Variants in PDE11A observed in about 807,000 individuals in gnomAD.
PDE11A encodes the protein dual 3',5'-cyclic-AMP and -GMP phosphodiesterase 11A.
In PDE11A, 100 loss-of-function variants were observed where a neutral mutation model predicts 100.5. The ratio of observed to expected loss-of-function variants is 1.00; its 90% CI spans 0.85 to 1.18. PDE11A has a LOEUF of 1.18. Ranked by LOEUF, PDE11A falls within the 50% of genes most tolerant of loss-of-function variation. PDE11A has a pLI of 0.00. For missense variants in PDE11A, 1,141 were observed against 1,152.6 expected (o/e 0.99, Z 0.15); for synonymous variants, 381 against 420.8 (o/e 0.91, Z 1.16).
At chr2:177,756,255 TCA>T (rs1352940064) in intron 10 of PDE11A, among the ~76,000 whole-genome samples, 2 of 152,138 alleles carry the variant, frequency 1.3e-5, no homozygotes, top group Non-Finnish European at 2.9e-5. Context: ...GCTTTTGCCC[TCA>T]CACACAACTC....
At chr2:177,767,302 C>T (rs1001146224) in intron 10 of PDE11A, among the ~76,000 whole-genome samples, 5 of 152,054 alleles carry the variant, frequency 3.3e-5, no homozygotes, top group African/African-American at 7.3e-5. Context: ...TGCATTCCAG[C>T]CTGGGTGACA....
At chr2:177,631,089 T>C (rs2079911124) in intron 19 of PDE11A, among the ~76,000 whole-genome samples, 2 of 151,218 alleles carry the variant, frequency 1.3e-5, no homozygotes, top group South Asian at 2.1e-4. Flanking sequence ...ACTCAAGAGA[T>C]AGACACTACT....
chr2:177,697,457 CA>C (rs2081130304), intron 14 of PDE11A, 25 bp from the exon 15 acceptor site: 1 of 1,079,284 alleles, frequency 9.3e-7, no homozygotes, highest in Non-Finnish European at 1.4e-6. Flanking sequence ...TAAAAAGTCA[CA>C]AAAGACATTA....
intron 2 of PDE11A, among the ~76,000 whole-genome samples, chr2:177,957,762 A>T (rs894804713): frequency 6.6e-6 from 1 of 152,206 alleles, no homozygotes; most frequent in African/African-American, 2.4e-5. Flanking sequence ...AGTAATAAGA[A>T]TAATAAACAA....
chr2:177,646,598 T>A lies in PDE11A; in HGVS notation c.2647-17036A>T, dbSNP rs530761145. ...GGCTGAGTACCAGGCTCATGGTGTC[T>A]TTACATCAGGGGTCTCAACTGGCAC... On this transcript the variant is annotated intron_variant, in intron 19 of 19. Coordinates refer to ENST00000286063, the MANE Select transcript of PDE11A (RefSeq NM_016953.4). Among the ~76,000 whole-genome samples, 6 of 152,308 alleles carry A rather than the reference T, an allele frequency of 3.9e-5. No homozygotes were observed. The East Asian group carries it at 1.2e-3, about 29-fold the overall frequency.
upstream of PDE11A, among the ~76,000 whole-genome samples, chr2:178,076,120 C>G (rs573048024): frequency 2.2e-4 from 34 of 152,170 alleles, no homozygotes; most frequent in African/African-American, 7.7e-4. Context: ...CACTATCACA[C>G]GTGAAAAGGC....
intron 9 of PDE11A, among the ~76,000 whole-genome samples, chr2:177,791,533 A>AG (rs2082632709): frequency 1.3e-5 from 1 of 76,526 alleles, no homozygotes; most frequent in Non-Finnish European, 2.9e-5. Flanking sequence ...AACTTAAAGT[A>AG]TAAAAAAAAA....
chr2:177,996,373 C>T lies in PDE11A; in HGVS notation c.1071+17929G>A, dbSNP rs566765705. Among the ~76,000 whole-genome samples, 5 of 151,806 alleles carry T rather than the reference C, an allele frequency of 3.3e-5. No individual in the cohort carries two copies. In the South Asian group the frequency reaches 1.0e-3, roughly 32 times the overall value. On this transcript the variant is annotated intron_variant, in intron 2 of 19. Coordinates refer to ENST00000286063, the MANE Select transcript of PDE11A (RefSeq NM_016953.4). ...AATAACAAGTTAATAACAGATTCAG[C>T]CCCAAAAGGATAATCACTGTGTCAG...
At chr2:177,980,991 C>T (rs1042485117) in intron 2 of PDE11A, among the ~76,000 whole-genome samples, 1 of 144,342 alleles carries the variant, frequency 6.9e-6, no homozygotes, top group African/African-American at 2.5e-5. Context: ...CACACACACA[C>T]ACACACACAC....
chr2:177,943,853 T>TTTGGGTCTTACAC (rs1463331441), intron 2 of PDE11A, among the ~76,000 whole-genome samples: 10 of 152,152 alleles, frequency 6.6e-5, no homozygotes, highest in Non-Finnish European at 4.4e-5. Context: ...GTTTTATGGT[T>TTTGGGTCTTACAC]TTGGGTCTTA....
chr2:177,624,758 A>C lies in PDE11A; in HGVS notation c.*4649T>G, dbSNP rs2079808790. ...TATGTGTGATATCAGATAATCTAAA[A>C]TTGTTTTTTATGAAATAAAAGGACA... On this transcript the variant is annotated 3_prime_UTR_variant, in exon 20 of 20. Transcript: ENST00000286063. The C allele has an allele frequency of 6.6e-6, 1 of 152,246 alleles. No individual in the cohort carries two copies. Among genetic ancestry groups the C allele is most frequent in the South Asian group, 2.1e-4 (1 of 4,832 alleles). 9.4% of individuals were successfully genotyped at this position (152,246 alleles called of 1,614,324 possible). A position where few individuals can be genotyped will look rare whatever the true frequency, so the allele number is the denominator to read the frequency against.
chr2:177,997,251 A>G, intron 2 of PDE11A: 1 of 1,249,200 alleles, frequency 8.0e-7, no homozygotes, highest in Non-Finnish European at 1.2e-6. Context: ...GGCCCCCTCT[A>G]CTTTCCCTGA....
intron 6 of PDE11A, among the ~76,000 whole-genome samples, chr2:177,834,333 G>C (rs1324979258): frequency 6.6e-6 from 1 of 152,186 alleles, no homozygotes; most frequent in Non-Finnish European, 1.5e-5. Context: ...TGAAGGCAGA[G>C]GAAACTGCCC....
At chr2:177,640,358 A>G (rs2080123059) in intron 19 of PDE11A, among the ~76,000 whole-genome samples, 1 of 152,202 alleles carries the variant, frequency 6.6e-6, no homozygotes, top group South Asian at 2.1e-4. Flanking sequence ...TTGAAATGGA[A>G]AACCACTGAT....
intron 6 of PDE11A, among the ~76,000 whole-genome samples, chr2:177,827,803 A>T (rs1288390033): frequency 6.6e-6 from 1 of 152,242 alleles, no homozygotes; most frequent in Non-Finnish European, 1.5e-5. Context: ...TTGTAAATAG[A>T]GTATGCATTC....
At chr2:178,092,089 T>A (rs1389399613) in intron 2 of PDE11A, among the ~76,000 whole-genome samples, 1 of 152,218 alleles carries the variant, frequency 6.6e-6, no homozygotes, top group African/African-American at 2.4e-5. Flanking sequence ...CTTTAAGTAT[T>A]GTTTATAATA....
intron 19 of PDE11A, among the ~76,000 whole-genome samples, chr2:177,660,914 C>A (rs1385183027): frequency 1.3e-5 from 2 of 152,212 alleles, no homozygotes. Flanking sequence ...TACTGCCCAG[C>A]AGCCTGGCCA....
In PDE11A at chr2:177,809,936, A is replaced by G. The variant is rs188069655; in HGVS notation, c.1737+6893T>C. Among the ~76,000 whole-genome samples the G allele has an allele frequency of 1.6e-4, 24 of 152,302 alleles. No individual in the cohort carries two copies. In the East Asian group the frequency reaches 4.6e-3, roughly 29 times the overall value. ...AGAAAATCTTTCCTCGGAGCTTAGA[A>G]GATTCCTGATGAAAGAATCACTGCT... is the stretch of plus-strand genomic sequence containing the variant. On this transcript the variant is annotated intron_variant, in intron 9 of 19. Coordinates refer to ENST00000286063, the MANE Select transcript of PDE11A (RefSeq NM_016953.4).
intron 12 of PDE11A, among the ~76,000 whole-genome samples, chr2:177,712,634 C>A (rs963446173): frequency 6.6e-6 from 1 of 152,148 alleles, no homozygotes; most frequent in Non-Finnish European, 1.5e-5. Flanking sequence ...CTTTTAGAAG[C>A]AGGTTGACAT....
Sources: allele counts gnomAD v4.1 joint callset (sites outside exome capture counted in the v4.1 genomes callset), GRCh38; gene constraint gnomAD v4.1.1; transcripts MANE v1.5; gene names NCBI Gene and HGNC (gene_info 2026-07-23, HGNC 2026-07-21).